ASCC3: variants seen among roughly 807,000 people sequenced by gnomAD.
ASCC3 encodes ASC-1 complex subunit P200.
Under a neutral mutation model 256.3 loss-of-function variants are expected in ASCC3, and 158 were observed. That is an observed-to-expected ratio of 0.62 (90% CI 0.54 to 0.70). The LOEUF is 0.70. ASCC3 is among the 30% of genes least tolerant of loss of function. The pLI, the probability that ASCC3 is intolerant of heterozygous loss-of-function variation, is 0.00. For missense variants in ASCC3, 2,259 were observed against 2,626.0 expected (o/e 0.86, Z 3.05); for synonymous variants, 948 against 883.4 (o/e 1.07, Z -1.30).
chr6:100,858,974 T>C (rs1267708198), intron 3 of ASCC3: 1 of 663,276 alleles, frequency 1.5e-6, no homozygotes, highest in Non-Finnish European at 2.7e-6. Flanking sequence ...AATGACATTA[T>C]GACATTCTCC....
At chr6:100,571,768 G>GCTT (rs2066136259) in intron 36 of ASCC3, among the ~76,000 whole-genome samples, 4 of 152,118 alleles carry the variant, frequency 2.6e-5, no homozygotes, top group African/African-American at 4.8e-5. Context: ...TAATAACTAA[G>GCTT]CTTACATGAT....
intron 18 of ASCC3, among the ~76,000 whole-genome samples, chr6:100,652,031 T>TACATATTTA (rs1480855291): frequency 1.2e-4 from 19 of 152,078 alleles, no homozygotes; most frequent in African/African-American, 4.3e-4. Context: ...AATTCAGAGA[T>TACATATTTA]GTATATCTAG....
At chr6:100,573,061 G>A (rs749477877) in intron 36 of ASCC3, among the ~76,000 whole-genome samples, 7 of 152,014 alleles carry the variant, frequency 4.6e-5, no homozygotes, top group Non-Finnish European at 1.0e-4. Flanking sequence ...TGTTTCCAAA[G>A]TAACATAATA....
At chr6:100,581,803 G>A (rs1250586964) in intron 36 of ASCC3, among the ~76,000 whole-genome samples, 2 of 150,560 alleles carry the variant, frequency 1.3e-5, no homozygotes, top group Non-Finnish European at 3.0e-5. Context: ...TCTACATATG[G>A]CTAGCCAGTT....
chr6:100,721,349 G>A (rs1472334033), intron 11 of ASCC3, among the ~76,000 whole-genome samples: 1 of 151,752 alleles, frequency 6.6e-6, no homozygotes, highest in African/African-American at 2.4e-5. Flanking sequence ...GATTGTAATA[G>A]TATGGCTCCT....
At chr6:100,763,830 C>T (rs1781522701) in intron 10 of ASCC3, among the ~76,000 whole-genome samples, 1 of 152,184 alleles carries the variant, frequency 6.6e-6, no homozygotes, top group Admixed American at 6.5e-5. Context: ...GGCAGGGCTG[C>T]ACTCTCATCA....
At chr6:100,510,144 T>C in intron 40 of ASCC3, 37 bp from the exon 41 acceptor site, 6 of 1,610,516 alleles carry the variant, frequency 3.7e-6, no homozygotes, top group Non-Finnish European at 4.2e-6. Context: ...ATTAAAAATA[T>C]CTAGACTTCC....
intron 14 of ASCC3, among the ~76,000 whole-genome samples, chr6:100,677,616 A>G (rs189042924): frequency 1.4e-4 from 22 of 152,282 alleles, no homozygotes; most frequent in African/African-American, 5.3e-4. Context: ...ATCTATTATA[A>G]TGTCAGTCTC....
chr6:100,864,510 TAAC>T, intron 2 of ASCC3, among the ~76,000 whole-genome samples: 1 of 152,222 alleles, frequency 6.6e-6, no homozygotes, highest in East Asian at 1.9e-4. Context: ...AACATCCAGA[TAAC>T]AATATTATTA....
At chr6:100,641,914 C>CA (rs1287194360) in intron 24 of ASCC3, among the ~76,000 whole-genome samples, 1 of 150,442 alleles carries the variant, frequency 6.6e-6, no homozygotes, top group African/African-American at 2.4e-5. Flanking sequence ...ATCGCAAGGA[C>CA]AAAAAACCAA....
chr6:100,675,052 G>C (rs1193821056), intron 14 of ASCC3, among the ~76,000 whole-genome samples: 2 of 151,138 alleles, frequency 1.3e-5, no homozygotes, highest in Admixed American at 1.3e-4. Flanking sequence ...TAGATCCAAA[G>C]TTTTTATTCT....
At chr6:100,817,511 A>C (rs1050469691) in intron 4 of ASCC3, among the ~76,000 whole-genome samples, 15 of 152,056 alleles carry the variant, frequency 9.9e-5, no homozygotes, top group African/African-American at 3.6e-4. Flanking sequence ...AGATTAACAA[A>C]ATTAACAAAA....
intron 10 of ASCC3, among the ~76,000 whole-genome samples, chr6:100,727,127 C>A (rs771969698): frequency 1.1e-4 from 16 of 151,972 alleles, no homozygotes; most frequent in Non-Finnish European, 1.3e-4. Context: ...TTGTTTTCTA[C>A]AATTGTTTAA....
At chr6:100,556,833 AT>A (rs919447037) in intron 36 of ASCC3, among the ~76,000 whole-genome samples, 23 of 146,524 alleles carry the variant, frequency 1.6e-4, no homozygotes, top group African/African-American at 4.1e-4. Context: ...AAGAGTGAAC[AT>A]TTTTTTTTAA....
rs573827364 is a variant in ASCC3 at position 100,644,147 on chromosome 6, T to A, written c.3634-18A>T. ...CCATGTACCTAGAAGAAAAATAGCA[T>A]CCTGCTACTATGCATATCATAACTC... On this transcript the variant is annotated intron_variant, in intron 22 of 41. Coordinates refer to ENST00000369162, the MANE Select transcript of ASCC3 (RefSeq NM_006828.4). The A allele has an allele frequency of 1.3e-6, 2 of 1,529,840 alleles. No homozygotes were observed. Among genetic ancestry groups the A allele is most frequent in the South Asian group, 1.1e-5 (1 of 89,362 alleles). The allele number at this position is 1,529,840 out of a possible 1,614,324, so 94.8% of individuals were successfully genotyped here. A position where few individuals can be genotyped will look rare whatever the true frequency, so the allele number is the denominator to read the frequency against.
intron 4 of ASCC3, among the ~76,000 whole-genome samples, chr6:100,836,948 C>T (rs1409420985): frequency 6.6e-6 from 1 of 152,026 alleles, no homozygotes; most frequent in Non-Finnish European, 1.5e-5. Flanking sequence ...TCTGGTTCTT[C>T]ATGATTCAAT....
chr6:100,585,161 A>T lies in ASCC3; in HGVS notation c.5550+4473T>A, dbSNP rs1457953598. Among the ~76,000 whole-genome samples the T allele has an allele frequency of 2.0e-5, 3 of 152,130 alleles. No homozygotes were observed. The South Asian group carries it at 6.2e-4, about 32-fold the overall frequency. On this transcript the variant is annotated intron_variant, in intron 36 of 41. Coordinates refer to ENST00000369162, the MANE Select transcript of ASCC3 (RefSeq NM_006828.4). Reference sequence around the variant, plus strand: ...GATTGGGGAAGTTCTCCTGGATAATATCCTGCAGAGTGTTTTCCAAATTGG... The same window carrying T: ...GATTGGGGAAGTTCTCCTGGATAATTTCCTGCAGAGTGTTTTCCAAATTGG...
At chr6:100,625,792 G>C (rs79870278) in intron 29 of ASCC3, among the ~76,000 whole-genome samples, 4,609 of 152,142 alleles carry the variant, frequency 0.03, 77 homozygotes, top group African/African-American at 0.055. Context: ...AAAATGTCTA[G>C]AAAGACCACA....
chr6:100,736,596 C>T (rs1780181256), intron 10 of ASCC3, among the ~76,000 whole-genome samples: 1 of 152,164 alleles, frequency 6.6e-6, no homozygotes, highest in Non-Finnish European at 1.5e-5. Context: ...ATACACTTAA[C>T]CACACTGAAA....
Sources: gnomAD v4.1 joint callset for allele counts (sites outside exome capture counted in the v4.1 genomes callset) on GRCh38, gnomAD v4.1.1 for gene constraint, MANE v1.5 for transcripts, NCBI Gene and HGNC (gene_info 2026-07-23, HGNC 2026-07-21) for gene names.